The following CA10 variants were observed in gnomAD, a reference collection of about 807,000 sequenced individuals.
CA10 encodes the protein carbonic anhydrase-related protein 10.
Under a neutral mutation model 44.2 loss-of-function variants are expected in CA10, and 14 were observed. The ratio of observed to expected loss-of-function variants is 0.32; its 90% CI spans 0.21 to 0.50. The LOEUF is 0.50. Ranked by LOEUF, CA10 falls within the 20% of genes least tolerant of loss-of-function variation. CA10 has a pLI of 0.99. For synonymous variants in CA10, 159 were observed against 141.6 expected, an observed-to-expected ratio of 1.12 and a Z score of -0.87; for missense variants, 350 against 409.7, an observed-to-expected ratio of 0.85 and a Z score of 1.26.
At chr17:51,802,639 C>G (rs568613299) in intron 3 of CA10, among the ~76,000 whole-genome samples, 1 of 150,364 alleles carries the variant, frequency 6.7e-6, no homozygotes, top group South Asian at 2.1e-4. Context: ...GGGAATTAAT[C>G]CTGAAGTTGG....
chr17:51,811,646 T>G (rs1907371878), intron 3 of CA10, among the ~76,000 whole-genome samples: 1 of 152,194 alleles, frequency 6.6e-6, no homozygotes, highest in African/African-American at 2.4e-5. Flanking sequence ...TAGTATTCCA[T>G]GGTGTATATG....
intron 3 of CA10, among the ~76,000 whole-genome samples, chr17:51,813,494 G>A (rs756925607): frequency 6.6e-6 from 1 of 152,190 alleles, no homozygotes; most frequent in Non-Finnish European, 1.5e-5. Context: ...ACTTTCAGAT[G>A]ATCAGGACCT....
At chr17:51,699,059 G>A (rs930646485) in intron 4 of CA10, among the ~76,000 whole-genome samples, 5 of 152,152 alleles carry the variant, frequency 3.3e-5, no homozygotes, top group Non-Finnish European at 5.9e-5. Context: ...GGTGACTCAC[G>A]CCTGTAATCC....
intron 2 of CA10, among the ~76,000 whole-genome samples, chr17:51,999,747 T>C (rs1026987465): frequency 1.3e-5 from 2 of 152,064 alleles, no homozygotes; most frequent in Admixed American, 6.6e-5. Context: ...ATTCTGTCCT[T>C]GTTTCCCTGA....
chr17:51,648,216 G>GAC (rs987112865), intron 6 of CA10, among the ~76,000 whole-genome samples: 4 of 152,194 alleles, frequency 2.6e-5, no homozygotes, highest in African/African-American at 9.7e-5. Context: ...AGAAGCAGCA[G>GAC]ACACAGCTGA....
At chr17:51,885,917 A>G (rs1303950285) in intron 3 of CA10, among the ~76,000 whole-genome samples, 1 of 152,266 alleles carries the variant, frequency 6.6e-6, no homozygotes, top group Non-Finnish European at 1.5e-5. Flanking sequence ...GGATATATGT[A>G]CTACATAGTT....
chr17:51,839,500 CAAAAAAAAAAAAA>C (rs34200978), intron 3 of CA10, among the ~76,000 whole-genome samples: 7 of 36,284 alleles, frequency 1.9e-4, no homozygotes, highest in South Asian at 2.0e-3. Flanking sequence ...GACTCCTTCT[CAAAAAAAAAAAAA>C]AAAAAAAAAA....
intron 4 of CA10, among the ~76,000 whole-genome samples, chr17:51,680,064 C>G (rs1490735176): frequency 6.6e-6 from 1 of 152,052 alleles, no homozygotes; most frequent in African/African-American, 2.4e-5. Flanking sequence ...ATATGGCCCA[C>G]GAAGCCTAAC....
At position 51,947,412 on chromosome 17, in the gene CA10, T is replaced by C. The variant is rs112418271; in HGVS notation, c.137-16280A>G. ...CAGCATATGTTCTTGTCAGTGTAGA[T>C]GTGACCTTGCCGGTCTCTTTGCAGA... On this transcript the variant is annotated intron_variant, in intron 2 of 8. Coordinates refer to ENST00000451037, the MANE Select transcript of CA10 (RefSeq NM_020178.5). 3.8e-3 allele frequency among the ~76,000 whole-genome samples: 575 copies of C among 152,070 alleles called. 1 individual carries two copies. The highest frequency in any genetic ancestry group is 0.013 in the African/African-American group (550 of 41,472).
At chr17:51,665,658 T>C (rs1914178944) in intron 4 of CA10, among the ~76,000 whole-genome samples, 1 of 152,230 alleles carries the variant, frequency 6.6e-6, no homozygotes, top group Non-Finnish European at 1.5e-5. Flanking sequence ...GCTCCTAGGC[T>C]ACAAATCTGC....
chr17:51,771,733 C>T (rs1351184579), intron 3 of CA10, among the ~76,000 whole-genome samples: 12 of 152,188 alleles, frequency 7.9e-5, no homozygotes, highest in Non-Finnish European at 1.8e-4. Flanking sequence ...TGAACTTGTA[C>T]TTGGAACAAT....
At chr17:51,700,256 T>C (rs1342353703) in intron 4 of CA10, among the ~76,000 whole-genome samples, 1 of 152,176 alleles carries the variant, frequency 6.6e-6, no homozygotes, top group African/African-American at 2.4e-5. Context: ...CTTGCTTCCA[T>C]CTGTCCTCAG....
rs546212774 is a variant in CA10, at chr17:52,121,793, G to A, written c.61+35933C>T. ...AGTGAAAATTGTGTTACAAAAGCAA[G>A]CCCGTCTCCCAGACAATCCTGCCCC... On this transcript the variant is annotated intron_variant, in intron 1 of 8. Transcript: ENST00000451037. 6.2e-4 allele frequency among the ~76,000 whole-genome samples: 94 copies of A among 152,166 alleles called. 1 individual carries two copies. The South Asian group carries it at 7.3e-3, about 12-fold the overall frequency.
chr17:52,035,324 A>G (rs1986584834), intron 2 of CA10, among the ~76,000 whole-genome samples: 1 of 151,384 alleles, frequency 6.6e-6, no homozygotes, highest in African/African-American at 2.4e-5. Context: ...AGAGATGGCT[A>G]GACTTCAAGG....
rs768331501 is a variant in CA10, at chr17:52,004,797, G to A, written c.136+67522C>T. 1.3e-4 allele frequency among the ~76,000 whole-genome samples: 19 copies of A among 151,784 alleles called. 1 individual carries two copies. Among genetic ancestry groups the A allele is most frequent in the Non-Finnish European group, 7.4e-5 (5 of 67,866 alleles). The stretch of plus-strand genomic sequence containing the variant: ...AAAATATGAATGAGATAGTGAAAAC[G>A]CAAAATGAAAATAAGATAACAGACC... On this transcript the variant is annotated intron_variant, in intron 2 of 8. Coordinates refer to ENST00000451037, the MANE Select transcript of CA10 (RefSeq NM_020178.5).
chr17:52,122,580 TC>T (rs1441634380), intron 1 of CA10, among the ~76,000 whole-genome samples: 1 of 152,206 alleles, frequency 6.6e-6, no homozygotes, highest in African/African-American at 2.4e-5. Flanking sequence ...CCTGCCCTGC[TC>T]CAAATTACTG....
chr17:52,031,631 A>G (rs1417626553), intron 2 of CA10, among the ~76,000 whole-genome samples: 1 of 152,222 alleles, frequency 6.6e-6, no homozygotes, highest in African/African-American at 2.4e-5. Flanking sequence ...ATCATTTTCT[A>G]GTAGAGTTTC....
chr17:52,028,527 C>T (rs924528353), intron 2 of CA10, among the ~76,000 whole-genome samples: 8 of 152,232 alleles, frequency 5.3e-5, no homozygotes, highest in South Asian at 2.1e-4. Context: ...AAGTGAGGTA[C>T]GACTGAAGTT....
intron 3 of CA10, among the ~76,000 whole-genome samples, chr17:51,848,908 T>C (rs952292054): frequency 6.6e-5 from 10 of 151,392 alleles, no homozygotes; most frequent in Admixed American, 2.6e-4. Flanking sequence ...TAGCTAGACA[T>C]GGTGGTGCAT....
Sources: allele counts gnomAD v4.1 joint callset (sites outside exome capture counted in the v4.1 genomes callset), GRCh38; gene constraint gnomAD v4.1.1; transcripts MANE v1.5; gene names NCBI Gene and HGNC (gene_info 2026-07-23, HGNC 2026-07-21).